The following PRLR variants were observed in gnomAD, a reference collection of about 807,000 sequenced individuals.
PRLR encodes prolactin receptor, also known as hPRL receptor.
PRLR carries 13 observed loss-of-function variants against 40.2 expected under a neutral mutation model. The ratio of observed to expected loss-of-function variants is 0.32; its 90% CI spans 0.21 to 0.51. The LOEUF (loss-of-function observed/expected upper bound fraction) is 0.51. Among genes scored for constraint, PRLR ranks in the 20% least tolerant of loss-of-function variants. PRLR has a pLI of 0.97. For synonymous variants in PRLR, 269 were observed against 278.7 expected, an observed-to-expected ratio of 0.97 and a Z score of 0.35; for missense variants, 656 against 747.3, an observed-to-expected ratio of 0.88 and a Z score of 1.42.
At chr5:35,222,853 G>A (rs1193595828) in intron 1 of PRLR, among the ~76,000 whole-genome samples, 1 of 152,310 alleles carries the variant, frequency 6.6e-6, no homozygotes, top group Non-Finnish European at 1.5e-5. Context: ...TTCTCAATTT[G>A]TAAAGTTGGA....
intron 1 of PRLR, among the ~76,000 whole-genome samples, chr5:35,159,465 G>C (rs947455585): frequency 1.3e-5 from 2 of 152,084 alleles, no homozygotes; most frequent in Non-Finnish European, 2.9e-5. Context: ...TCACCAGAGA[G>C]CCCTCCACTC....
chr5:35,145,581 G>C (rs1774161189), intron 1 of PRLR, among the ~76,000 whole-genome samples: 2 of 152,098 alleles, frequency 1.3e-5, no homozygotes, highest in Admixed American at 1.3e-4. Context: ...CTATGCTTTT[G>C]CCCTACTATG....
chr5:35,151,530 C>G (rs893697746), intron 1 of PRLR, among the ~76,000 whole-genome samples: 1 of 152,050 alleles, frequency 6.6e-6, no homozygotes, highest in African/African-American at 2.4e-5. Context: ...CTCCTCTTCC[C>G]CTTTGATCTG....
At position 35,065,730 on chromosome 5, in the gene PRLR, C is replaced by T. The variant is rs1250756007; in HGVS notation, c.1228G>A (p.Gly410Arg). The T allele has an allele frequency of 6.2e-7, 1 of 1,614,144 alleles. No individual in the cohort carries two copies. The highest frequency in any genetic ancestry group is 8.5e-7 in the Non-Finnish European group (1 of 1,180,020). ...EGKIPYFHAG[G>R]SKCSTWPLPQ... Reference sequence around the variant, plus strand: ...AAGGGCCATGTTGAACATTTGGATCCACCAGCATGAAAATAGGGGATTTTG... The same window carrying T: ...AAGGGCCATGTTGAACATTTGGATCTACCAGCATGAAAATAGGGGATTTTG... The change falls in exon 10 of 10, where the codon GGA (glycine) becomes AGA (arginine). Residue 410 changes from glycine (G) to arginine (R), a missense_variant. Physicochemically the swap from Gly to Arg is moderately radical, Grantham distance 125. Coordinates refer to ENST00000618457, the MANE Select transcript of PRLR (RefSeq NM_000949.7).
chr5:35,077,133 T>A (rs1037360207), intron 5 of PRLR, among the ~76,000 whole-genome samples: 1 of 152,116 alleles, frequency 6.6e-6, no homozygotes, highest in Non-Finnish European at 1.5e-5. Context: ...AGAAACTGCA[T>A]CAACTAATGA....
intron 1 of PRLR, among the ~76,000 whole-genome samples, chr5:35,226,748 C>A (rs774525936): frequency 1.3e-5 from 2 of 152,174 alleles, no homozygotes; most frequent in African/African-American, 4.8e-5. Flanking sequence ...AGCCTTCAGC[C>A]TCTATTTTCT....
intron 2 of PRLR, among the ~76,000 whole-genome samples, chr5:35,113,539 A>T (rs994615153): frequency 6.6e-6 from 1 of 151,366 alleles, no homozygotes; most frequent in African/African-American, 2.4e-5. Context: ...CCATCCATCC[A>T]TCCATCCATC....
intron 1 of PRLR, among the ~76,000 whole-genome samples, chr5:35,163,091 G>T (rs1257360976): frequency 1.3e-5 from 2 of 152,120 alleles, no homozygotes; most frequent in Non-Finnish European, 2.9e-5. Context: ...GCTGGCAGAG[G>T]GGAGGAGTCT....
chr5:35,182,328 G>A (rs551490677), intron 1 of PRLR, among the ~76,000 whole-genome samples: 6 of 152,306 alleles, frequency 3.9e-5, no homozygotes, highest in African/African-American at 1.2e-4. Context: ...TCTGTAAATT[G>A]TGATGTAGCG....
chr5:35,218,654 A>C (rs961367695), intron 1 of PRLR, among the ~76,000 whole-genome samples: 1 of 152,254 alleles, frequency 6.6e-6, no homozygotes, highest in Non-Finnish European at 1.5e-5. Context: ...AGTGAAAAGC[A>C]GAGAAGACAG....
intron 1 of PRLR, among the ~76,000 whole-genome samples, chr5:35,143,320 T>C (rs532846930): frequency 5.6e-4 from 86 of 152,352 alleles, no homozygotes; most frequent in Non-Finnish European, 9.4e-4. Context: ...GTTCTAAAAC[T>C]TTATGAAAAT....
chr5:35,125,655 CTT>C (rs978503877), intron 1 of PRLR, among the ~76,000 whole-genome samples: 2 of 152,178 alleles, frequency 1.3e-5, no homozygotes, highest in African/African-American at 2.4e-5. Flanking sequence ...AGAACACACT[CTT>C]TTAATTAAAG....
intron 1 of PRLR, among the ~76,000 whole-genome samples, chr5:35,170,000 C>A (rs976319623): frequency 3.9e-5 from 6 of 152,146 alleles, no homozygotes; most frequent in Non-Finnish European, 8.8e-5. Flanking sequence ...TTAGAAGCTA[C>A]CACGTAATTT....
intron 1 of PRLR, among the ~76,000 whole-genome samples, chr5:35,138,669 A>G (rs1579720988): frequency 6.6e-6 from 1 of 152,378 alleles, no homozygotes; most frequent in African/African-American, 2.4e-5. Context: ...TCAAAGATTT[A>G]AACTTCATTT....
chr5:35,134,075 G>T (rs1007316913), intron 1 of PRLR, among the ~76,000 whole-genome samples: 3 of 151,968 alleles, frequency 2.0e-5, no homozygotes, highest in Non-Finnish European at 4.4e-5. Context: ...CTACAAATTG[G>T]GTTTAATGTA....
chr5:35,136,664 G>A (rs925915860), intron 1 of PRLR, among the ~76,000 whole-genome samples: 3 of 152,072 alleles, frequency 2.0e-5, no homozygotes, highest in African/African-American at 4.8e-5. Flanking sequence ...GTTCCTATTC[G>A]TTTCCTGTCT....
At chr5:35,115,074 A>G (rs1266382851) in intron 2 of PRLR, among the ~76,000 whole-genome samples, 3 of 152,244 alleles carry the variant, frequency 2.0e-5, no homozygotes, top group African/African-American at 2.4e-5. Flanking sequence ...TCCTTTGTCC[A>G]GTGGTGGTAG....
At chr5:35,053,940 G>A (rs550619960), downstream of PRLR, among the ~76,000 whole-genome samples, 1 of 152,222 alleles carries the variant, frequency 6.6e-6, no homozygotes, top group African/African-American at 2.4e-5. Context: ...GGAGCACCAG[G>A]ACAGGAATAG....
In PRLR at chr5:35,063,615, T is replaced by C. The variant is rs1051988166; in HGVS notation, c.*1474A>G. 2 of 152,216 alleles carry C rather than the reference T, an allele frequency of 1.3e-5. No individual in the cohort carries two copies. The highest frequency in any genetic ancestry group is 2.9e-5 in the Non-Finnish European group (2 of 68,032). The allele number at this position is 152,216 out of a possible 1,614,324, so 9.4% of individuals were successfully genotyped here. A position where few individuals can be genotyped will look rare whatever the true frequency, so the allele number is the denominator to read the frequency against. On this transcript the variant is annotated 3_prime_UTR_variant, in exon 10 of 10. Coordinates refer to ENST00000618457, the MANE Select transcript of PRLR (RefSeq NM_000949.7). ...CCCAGAACTTTTATTTGGACACTTC[T>C]GATATGAGCCATTTCTGCCTCTGCC...
Sources: gnomAD v4.1 joint callset for allele counts (sites outside exome capture counted in the v4.1 genomes callset) on GRCh38, gnomAD v4.1.1 for gene constraint, MANE v1.5 for transcripts, NCBI Gene and HGNC (gene_info 2026-07-23, HGNC 2026-07-21) for gene names.